Variants in COMMD1 observed in about 807,000 individuals in gnomAD.
COMMD1 encodes the protein copper metabolism domain containing 1, also known as COMM domain-containing protein 1.
A neutral mutation model predicts 17.2 loss-of-function variants in COMMD1; 10 were observed. That is an observed-to-expected ratio of 0.58 (90% CI 0.36 to 0.99). The LOEUF (loss-of-function observed/expected upper bound fraction) is 0.99, where lower values mean the gene tolerates loss of function less well. COMMD1 is among the 50% of genes least tolerant of loss of function. The pLI, the probability that COMMD1 is intolerant of heterozygous loss-of-function variation, is 0.01. For missense variants in COMMD1, 270 were observed against 231.8 expected (o/e 1.17, Z -1.07); for synonymous variants, 97 against 91.6 (o/e 1.06, Z -0.34).
intron 2 of COMMD1, among the ~76,000 whole-genome samples, chr2:62,039,675 A>T (rs917445896): frequency 2.0e-5 from 3 of 152,196 alleles, no homozygotes; most frequent in Non-Finnish European, 4.4e-5. Flanking sequence ...GAACATATAT[A>T]TCTGCTTGTG....
chr2:62,012,220 C>A (rs1669297987), intron 2 of COMMD1, among the ~76,000 whole-genome samples: 1 of 150,834 alleles, frequency 6.6e-6, no homozygotes, highest in Non-Finnish European at 1.5e-5. Context: ...TCACGCCATT[C>A]CACTCCAGCC....
intron 2 of COMMD1, among the ~76,000 whole-genome samples, chr2:62,104,408 CAG>C (rs1672265808): frequency 6.6e-6 from 1 of 151,114 alleles, no homozygotes; most frequent in Admixed American, 6.6e-5. Context: ...CGGAGGTGGG[CAG>C]ATCACCTGAG....
chr2:62,051,600 A>G (rs77923969), intron 2 of COMMD1, among the ~76,000 whole-genome samples: 1,844 of 152,240 alleles, frequency 0.012, 42 homozygotes, highest in African/African-American at 0.043. Flanking sequence ...TACATAATGT[A>G]TCCCATTGGT....
At chr2:62,009,014 C>T (rs1187681925) in intron 2 of COMMD1, among the ~76,000 whole-genome samples, 1 of 152,036 alleles carries the variant, frequency 6.6e-6, no homozygotes, top group Admixed American at 6.6e-5. Context: ...GAACTCCTGA[C>T]CTCAAGTGAT....
upstream of COMMD1, among the ~76,000 whole-genome samples, chr2:61,904,764 C>T (rs989686628): frequency 9.8e-5 from 15 of 152,292 alleles, 1 homozygote; most frequent in Admixed American, 5.2e-4. Context: ...AGTATATTAA[C>T]AAGGTTGTGC....
In COMMD1 at chr2:62,011,548, C is replaced by T. The variant is rs542130024; in HGVS notation, c.462+10566C>T. 7.2e-5 allele frequency among the ~76,000 whole-genome samples: 11 copies of T among 152,120 alleles called. No homozygotes were observed. The South Asian group carries it at 1.7e-3, about 23-fold the overall frequency. On this transcript the variant is annotated intron_variant, in intron 2 of 2. Transcript: ENST00000311832. ...CATCCTCACAGTCTTGGATGCCTCCCGGCACATGGTGTTCAGTTAATATTT... is the reference window on the plus strand; with the variant it reads ...CATCCTCACAGTCTTGGATGCCTCCTGGCACATGGTGTTCAGTTAATATTT...
chr2:61,993,585 T>A (rs772172738), intron 1 of COMMD1, among the ~76,000 whole-genome samples: 4 of 152,192 alleles, frequency 2.6e-5, no homozygotes, highest in Non-Finnish European at 1.5e-5. Context: ...GAGAGAAGAA[T>A]AAAGGATGAG....
intron 2 of COMMD1, among the ~76,000 whole-genome samples, chr2:62,075,353 C>T (rs1264825801): frequency 1.3e-5 from 2 of 152,148 alleles, no homozygotes; most frequent in African/African-American, 4.8e-5. Flanking sequence ...TGGCTCTTCC[C>T]TTTTAAAGGC....
At chr2:61,969,612 G>T (rs938587973) in intron 1 of COMMD1, among the ~76,000 whole-genome samples, 10 of 152,106 alleles carry the variant, frequency 6.6e-5, no homozygotes, top group African/African-American at 2.2e-4. Context: ...TTAGTTCTTG[G>T]TAGCTTTATG....
At chr2:61,945,569 T>G (rs1245318633) in intron 1 of COMMD1, among the ~76,000 whole-genome samples, 1 of 152,184 alleles carries the variant, frequency 6.6e-6, no homozygotes, top group East Asian at 1.9e-4. Flanking sequence ...TTGAGATAGG[T>G]TTCAGTGAAT....
intron 1 of COMMD1, among the ~76,000 whole-genome samples, chr2:61,990,012 T>C (rs1478864454): frequency 2.6e-5 from 4 of 152,014 alleles, no homozygotes; most frequent in Non-Finnish European, 5.9e-5. Flanking sequence ...TGGAAAAAGT[T>C]AGATCTACAT....
At chr2:62,062,704 G>A (rs1326265927) in intron 2 of COMMD1, among the ~76,000 whole-genome samples, 1 of 152,046 alleles carries the variant, frequency 6.6e-6, no homozygotes, top group Non-Finnish European at 1.5e-5. Flanking sequence ...GTTCATTTAT[G>A]TCTTAAGATT....
chr2:62,092,368 C>T (rs1671856539), intron 2 of COMMD1, among the ~76,000 whole-genome samples: 1 of 152,210 alleles, frequency 6.6e-6, no homozygotes, highest in African/African-American at 2.4e-5. Context: ...GGAAGTATGT[C>T]TGCTTTCATT....
intron 2 of COMMD1, among the ~76,000 whole-genome samples, chr2:62,013,260 G>GA (rs67152534): frequency 0.12 from 17,551 of 146,810 alleles, 2,512 homozygotes; most frequent in African/African-American, 0.35. Flanking sequence ...GGATTTCAAG[G>GA]AAAAAAAAAA....
chr2:62,062,867 C>T (rs996004999), intron 2 of COMMD1, among the ~76,000 whole-genome samples: 45 of 151,652 alleles, frequency 3.0e-4, no homozygotes, highest in African/African-American at 6.3e-4. Context: ...CCCAGGAGTT[C>T]GTGACCAGCC....
At chr2:61,899,478 A>G (rs538248035) in intron 1 of COMMD1, among the ~76,000 whole-genome samples, 6 of 152,298 alleles carry the variant, frequency 3.9e-5, no homozygotes, top group South Asian at 2.1e-4. Context: ...CATGTCATAC[A>G]TTATATTAAA....
At chr2:62,050,725 C>G (rs889570355) in intron 2 of COMMD1, among the ~76,000 whole-genome samples, 27 of 152,306 alleles carry the variant, frequency 1.8e-4, no homozygotes, top group African/African-American at 6.5e-4. Flanking sequence ...TTTCTCATCA[C>G]TGGGAAAACT....
chr2:61,990,529 A>G (rs548055819), intron 1 of COMMD1, among the ~76,000 whole-genome samples: 16 of 152,212 alleles, frequency 1.1e-4, no homozygotes, highest in Admixed American at 7.9e-4. Flanking sequence ...GGATTAGTCA[A>G]TTTTCATGCT....
rs186448821 is a variant in COMMD1 at position 62,054,424 on chromosome 2, G to A, written c.462+53442G>A. Among the ~76,000 whole-genome samples, 142 of 152,264 alleles carry A rather than the reference G, an allele frequency of 9.3e-4. 1 individual carries two copies. The highest frequency in any genetic ancestry group is 1.7e-3 in the Non-Finnish European group (119 of 68,016). On this transcript the variant is annotated intron_variant, in intron 2 of 2. Coordinates refer to ENST00000311832, the MANE Select transcript of COMMD1 (RefSeq NM_152516.4). ...GTTTATCACAGCACCATTCATAATA[G>A]CAAGGATATGGAATCAATCTAAGTG...
Sources: gnomAD v4.1 joint callset for allele counts (sites outside exome capture counted in the v4.1 genomes callset) on GRCh38, gnomAD v4.1.1 for gene constraint, MANE v1.5 for transcripts, NCBI Gene and HGNC (gene_info 2026-07-23, HGNC 2026-07-21) for gene names.